The following MTA1 variants were observed in gnomAD, a reference collection of about 807,000 sequenced individuals.
The protein encoded by MTA1 is metastasis-associated protein MTA1.
A neutral mutation model predicts 97.0 loss-of-function variants in MTA1; 15 were observed. That is an observed-to-expected ratio of 0.15 (90% CI 0.10 to 0.24). The LOEUF is 0.24. Ranked by LOEUF, MTA1 falls within the 10% of genes least tolerant of loss-of-function variation. The pLI is 1.00. For synonymous variants in MTA1, 435 were observed against 417.5 expected, an observed-to-expected ratio of 1.04 and a Z score of -0.51; for missense variants, 709 against 1,015.1, an observed-to-expected ratio of 0.70 and a Z score of 4.10.
At chr14:105,442,336 C>G (rs587624050) in intron 2 of MTA1, among the ~76,000 whole-genome samples, 4 of 152,346 alleles carry the variant, frequency 2.6e-5, no homozygotes, top group East Asian at 3.9e-4. Context: ...CTCCTCCGCG[C>G]CTTTCCAACA....
Position 105,449,355 on chromosome 14 carries a change from A to G in MTA1, c.191-4A>G. On this transcript the variant is annotated splice_polypyrimidine_tract_variant and splice_region_variant and intron_variant, in intron 3 of 20. Coordinates refer to ENST00000331320, the MANE Select transcript of MTA1 (RefSeq NM_004689.4). The stretch of plus-strand genomic sequence containing the variant: ...CTGCCGGGTGCTGTCTGTCTGTTAT[A>G]TAGCCCTGTCAGTCTGCTATAAGGC... The G allele has an allele frequency of 1.9e-6, 3 of 1,612,170 alleles. No individual in the cohort carries two copies. Among genetic ancestry groups the G allele is most frequent in the Non-Finnish European group, 2.5e-6 (3 of 1,179,190 alleles).
At position 105,469,869 on chromosome 14, in the gene MTA1, G is replaced by A. The variant is rs1555433903; in HGVS notation, c.1874G>A (p.Gly625Glu). 1 of 1,609,784 alleles carries A rather than the reference G, an allele frequency of 6.2e-7. No homozygotes were observed. The highest frequency in any genetic ancestry group is 1.3e-5 in the African/African-American group (1 of 74,840). Residue 625 changes from glycine (G) to glutamate (E), a missense_variant, in exon 20 of 21, where the codon GGG (glycine) becomes GAG (glutamate). Physicochemically the swap from Gly to Glu is moderately conservative, Grantham distance 98. Around this residue, in one of 2 missense-constraint regions of MTA1, gnomAD observed 388 missense variants for 421.6 expected, o/e 0.92. Coordinates refer to ENST00000331320, the MANE Select transcript of MTA1 (RefSeq NM_004689.4). ...MGPSRNLLLN[G>E]KSYPTKVRLI... ...CCAAGCCGGAACCTCCTGCTCAACG[G>A]GAAGTCCTACCCCACCAAAGTGCGC...
chr14:105,449,033 GC>G, intron 3 of MTA1: 1 of 312,556 alleles, frequency 3.2e-6, no homozygotes, highest in Non-Finnish European at 5.9e-6. Context: ...CCGGTGCCCG[GC>G]CCCGGTCTCA....
chr14:105,449,962 C>T, intron 4 of MTA1, 96 bp from the exon 5 acceptor site: 3 of 1,555,102 alleles, frequency 1.9e-6, no homozygotes, highest in Non-Finnish European at 2.6e-6. Context: ...AGGACTGGGC[C>T]TCCTGCGTGC....
intron 3 of MTA1, among the ~76,000 whole-genome samples, chr14:105,447,106 C>T (rs1452549259): frequency 2.0e-5 from 3 of 152,236 alleles, no homozygotes; most frequent in Non-Finnish European, 4.4e-5. Context: ...AGCAGCACGG[C>T]TGGCGGTTCT....
At chr14:105,438,779 G>A (rs1376951807) in intron 2 of MTA1, 40 bp downstream of exon 2, 1 of 1,603,396 alleles carries the variant, frequency 6.2e-7, no homozygotes, top group African/African-American at 1.3e-5. Context: ...GGGGTAGTGG[G>A]TGGGGGCTAC....
rs782411918 is a variant in MTA1 at position 105,458,256 on chromosome 14, C to A, written c.551-14C>A. On this transcript the variant is annotated splice_polypyrimidine_tract_variant and intron_variant, in intron 7 of 20. Transcript: ENST00000331320. ...GGGACCCCGTCTCAGAAAGGCCACA[C>A]TTCCTCCCTGTAGGCGAGGAGGATG... is the stretch of plus-strand genomic sequence containing the variant. The A allele has an allele frequency of 6.2e-7, 1 of 1,610,920 alleles. No homozygotes were observed. Among genetic ancestry groups the A allele is most frequent in the Non-Finnish European group, 8.5e-7 (1 of 1,178,504 alleles).
chr14:105,460,679 C>G (rs868948548), intron 9 of MTA1, 86 bp from the exon 10 acceptor site: 1 of 1,396,876 alleles, frequency 7.2e-7, no homozygotes, highest in East Asian at 2.4e-5. Context: ...GTAGGGGATC[C>G]TTGAGGTACT....
At chr14:105,436,679 G>A (rs1347981983) in intron 1 of MTA1, among the ~76,000 whole-genome samples, 1 of 152,154 alleles carries the variant, frequency 6.6e-6, no homozygotes, top group Admixed American at 6.5e-5. Context: ...CCATCAAGTG[G>A]ATGGACCCCA....
chr14:105,425,537 A>C (rs1360723435), intron 1 of MTA1, among the ~76,000 whole-genome samples: 2 of 152,108 alleles, frequency 1.3e-5, no homozygotes, highest in Non-Finnish European at 2.9e-5. Flanking sequence ...TGGGCTCCCA[A>C]AGTGCCGCTG....
At chr14:105,439,496 C>T (rs1490882985) in intron 2 of MTA1, among the ~76,000 whole-genome samples, 5 of 152,188 alleles carry the variant, frequency 3.3e-5, no homozygotes, top group Admixed American at 6.5e-5. Flanking sequence ...GAGACAGAGC[C>T]GTAGATGGCC....
chr14:105,470,315 C>T lies in MTA1; in HGVS notation c.*100C>T. On this transcript the variant is annotated 3_prime_UTR_variant, in exon 21 of 21. Transcript: ENST00000331320. ...GCCCCTCAGTTTGGTAGTGCCCCAC[C>T]TCCCGCCCTCACCTGCAGAGAAACG... The T allele has an allele frequency of 9.6e-7, 1 of 1,043,088 alleles. No homozygotes were observed. The highest frequency in any genetic ancestry group is 1.9e-5 in the South Asian group (1 of 52,584). 64.6% of individuals were successfully genotyped at this position (1,043,088 alleles called of 1,614,324 possible).
intron 1 of MTA1, among the ~76,000 whole-genome samples, chr14:105,431,906 G>A (rs370226412): frequency 2.2e-4 from 34 of 152,102 alleles, no homozygotes; most frequent in African/African-American, 7.0e-4. Context: ...GATTACAGGC[G>A]TGAGGCACTA....
intron 16 of MTA1, chr14:105,466,102 A>G (rs1469220495): frequency 6.0e-6 from 2 of 335,080 alleles, no homozygotes; most frequent in Non-Finnish European, 1.1e-5. Context: ...GCTGTTTAAT[A>G]GGCGTGCTGT....
At position 105,424,512 on chromosome 14, in the gene MTA1, T is replaced by C. The variant is rs2081951695; in HGVS notation, c.28+4449T>C. ...CACTGCGTCTGGCTTTTTTTTTTGT[T>C]TTTGAGACAGTCTCACTCTGTCACC... On this transcript the variant is annotated intron_variant, in intron 1 of 20. Transcript: ENST00000331320. This position sits in a 1 kb window ranked among gnomAD's most constrained non-coding sequence, Gnocchi z 4.0. Among the ~76,000 whole-genome samples, 1 of 150,928 alleles carries C rather than the reference T, an allele frequency of 6.6e-6. No individual in the cohort carries two copies. The highest frequency in any genetic ancestry group is 2.1e-4 in the South Asian group (1 of 4,766).
At position 105,466,427 on chromosome 14, in the gene MTA1, GACCCACCCC is replaced by G; in HGVS notation, c.1627_1635del (p.Thr543_Pro545del). ...TTCTGCCTGTGTCATTCCCGGCAGA[GACCCACCCC>G]CGCCCCCCCAAGCCTGACCCCGTGA... On this transcript the variant is annotated inframe_deletion and splice_region_variant, in exon 17 of 21. Coordinates refer to ENST00000331320, the MANE Select transcript of MTA1 (RefSeq NM_004689.4). 2 of 1,592,102 alleles carry G rather than the reference GACCCACCCC, an allele frequency of 1.3e-6. No homozygotes were observed. Among genetic ancestry groups the G allele is most frequent in the Non-Finnish European group, 1.7e-6 (2 of 1,165,318 alleles).
chr14:105,465,566 T>C (rs1340828562), intron 16 of MTA1: 2 of 163,006 alleles, frequency 1.2e-5, no homozygotes, highest in Admixed American at 6.4e-5. Context: ...GTAATACCAT[T>C]AAGGCAGCGT....
Position 105,464,526 on chromosome 14 carries a change from C to T in MTA1, c.1303C>T (p.Arg435Trp), listed in dbSNP as rs372209701. ...ATATGGTGGCTTGAAAATGCCAACC[C>T]GGTTAGATGGAGAGAGGCCAGGACC... ...KKYGGLKMPT[R>W]LDGERPGPNR... Residue 435 changes from arginine to tryptophan, a missense_variant, in exon 14 of 21, where the codon CGG becomes TGG. Coordinates refer to ENST00000331320, the MANE Select transcript of MTA1 (RefSeq NM_004689.4). The T allele has an allele frequency of 6.2e-6, 10 of 1,613,172 alleles. No homozygotes were observed. The highest frequency in any genetic ancestry group is 1.1e-5 in the South Asian group (1 of 91,082).
intron 8 of MTA1, among the ~76,000 whole-genome samples, chr14:105,458,763 A>C (rs2141640169): frequency 6.6e-6 from 1 of 152,294 alleles, no homozygotes; most frequent in East Asian, 1.9e-4. Flanking sequence ...GGCCCAGGAG[A>C]GGACCATGCA....
Sources: allele counts gnomAD v4.1 joint callset (sites outside exome capture counted in the v4.1 genomes callset), GRCh38; gene constraint gnomAD v4.1.1; regional missense constraint gnomAD v4.1.1; non-coding constraint Gnocchi (gnomAD v3.1); transcripts MANE v1.5; gene names NCBI Gene and HGNC (gene_info 2026-07-23, HGNC 2026-07-21).